Variants in KIRREL3 observed in about 807,000 individuals in gnomAD.
The protein encoded by KIRREL3 is kirre like nephrin family adhesion molecule 3.
Under a neutral mutation model 89.7 loss-of-function variants are expected in KIRREL3, and 36 were observed. That is an observed-to-expected ratio of 0.40 (90% CI 0.31 to 0.53). The LOEUF (loss-of-function observed/expected upper bound fraction) is 0.53, where lower values mean the gene tolerates loss of function less well. KIRREL3 is among the 20% of genes least tolerant of loss of function. The probability of loss-of-function intolerance (pLI) is 0.49; values close to 1 mark genes in which losing one functional copy is unlikely to be tolerated. For missense variants in KIRREL3, 864 were observed against 1,056.6 expected, an observed-to-expected ratio of 0.82 and a Z score of 2.53; for synonymous variants, 445 against 441.4, an observed-to-expected ratio of 1.01 and a Z score of -0.10.
chr11:126,745,621 C>A (rs1173753246), intron 1 of KIRREL3, among the ~76,000 whole-genome samples: 1 of 152,100 alleles, frequency 6.6e-6, no homozygotes, highest in African/African-American at 2.4e-5. Context: ...GGCATGAAAG[C>A]CAAAACAGGA....
chr11:126,841,218 T>C (rs1943953024), intron 1 of KIRREL3, among the ~76,000 whole-genome samples: 1 of 152,242 alleles, frequency 6.6e-6, no homozygotes, highest in Admixed American at 6.5e-5. Flanking sequence ...TTGCATATTC[T>C]GTTCCTTCTG....
intron 1 of KIRREL3, among the ~76,000 whole-genome samples, chr11:126,650,922 G>T (rs1214009754): frequency 2.0e-5 from 3 of 152,206 alleles, no homozygotes; most frequent in Non-Finnish European, 4.4e-5. Flanking sequence ...TCAGAATCAT[G>T]GCAGGAAGTA....
chr11:126,572,574 C>G (rs1335957331), intron 1 of KIRREL3, among the ~76,000 whole-genome samples: 2 of 10,558 alleles, frequency 1.9e-4, no homozygotes, highest in African/African-American at 6.9e-4. Flanking sequence ...AAGAGGGGAC[C>G]CCCCCCCCGC....
chr11:126,880,154 G>T (rs1213898289), intron 1 of KIRREL3, among the ~76,000 whole-genome samples: 1 of 152,102 alleles, frequency 6.6e-6, no homozygotes, highest in Non-Finnish European at 1.5e-5. Context: ...TTTGACCTTG[G>T]GTGCGGCTGT....
rs1288771997 is a variant in KIRREL3 at position 126,432,178 on chromosome 11, C to T, written c.1589-652G>A. 6.6e-6 allele frequency among the ~76,000 whole-genome samples: 1 copy of T among 152,106 alleles called. No individual in the cohort carries two copies. Among genetic ancestry groups the T allele is most frequent in the South Asian group, 2.1e-4 (1 of 4,832 alleles). ...AGAGAGGCCCCTTTCCCTCCATCTC[C>T]AGGTCTGCAGCTTCTCCCTCAAGGC... On this transcript the variant is annotated intron_variant, in intron 13 of 16. Coordinates refer to ENST00000525144, the MANE Select transcript of KIRREL3 (RefSeq NM_032531.4). This position sits in a 1 kb window ranked among gnomAD's most constrained non-coding sequence, Gnocchi z 6.2.
rs1390097726 is a variant in KIRREL3, at chr11:126,771,550, C to T, written c.56-208638G>A. 1.3e-5 allele frequency among the ~76,000 whole-genome samples: 2 copies of T among 152,134 alleles called. No homozygotes were observed. The highest frequency in any genetic ancestry group is 6.5e-5 in the Admixed American group (1 of 15,276). ...TTGCCATTAAAAGTAACAGCAAAACCTGCAATTACTTTTGCACCAACCGAA... is the reference window on the plus strand; with the variant it reads ...TTGCCATTAAAAGTAACAGCAAAACTTGCAATTACTTTTGCACCAACCGAA... On this transcript the variant is annotated intron_variant, in intron 1 of 16. Coordinates refer to ENST00000525144, the MANE Select transcript of KIRREL3 (RefSeq NM_032531.4). This position sits in a 1 kb window ranked among gnomAD's most constrained non-coding sequence, Gnocchi z 4.4.
rs71984147 is a variant in KIRREL3, at chr11:126,442,313, AACACACACACACAC to A, written c.1253-1778_1253-1765del. ...AAACCCAACATGCACAGACACACAAAACACACACACACACACACACACACACACACACACACACA... is the reference window on the plus strand; with the variant it reads ...AAACCCAACATGCACAGACACACAAAACACACACACACACACACACACACA... On this transcript the variant is annotated intron_variant, in intron 10 of 16. Coordinates refer to ENST00000525144, the MANE Select transcript of KIRREL3 (RefSeq NM_032531.4). 5.5e-3 allele frequency among the ~76,000 whole-genome samples: 754 copies of A among 136,596 alleles called. 2 individuals are homozygous for A. The highest frequency in any genetic ancestry group is 0.011 in the African/African-American group (393 of 36,452). 89.6% of individuals were successfully genotyped at this position (136,596 alleles called of 152,430 possible).
chr11:126,662,906 C>CTTTTTTTTTTTTTT (rs756193928), intron 1 of KIRREL3, among the ~76,000 whole-genome samples: 1 of 91,878 alleles, frequency 1.1e-5, no homozygotes, highest in Non-Finnish European at 2.1e-5. Flanking sequence ...AAAGTCCTTT[C>CTTTTTTTTTTTTTT]TTTTTTTTTT....
chr11:126,735,890 T>C (rs1237902249), intron 1 of KIRREL3, among the ~76,000 whole-genome samples: 1 of 152,212 alleles, frequency 6.6e-6, no homozygotes, highest in East Asian at 1.9e-4. Context: ...GGATCCTTCC[T>C]GATACTGAAG....
intron 5 of KIRREL3, among the ~76,000 whole-genome samples, chr11:126,464,036 G>C (rs368741487): frequency 3.9e-5 from 6 of 152,234 alleles, no homozygotes; most frequent in South Asian, 2.1e-4. Context: ...TCCTACAGCA[G>C]GTTGAATGGT....
At chr11:126,934,572 G>A (rs915237592) in intron 1 of KIRREL3, among the ~76,000 whole-genome samples, 9 of 152,022 alleles carry the variant, frequency 5.9e-5, no homozygotes, top group South Asian at 2.1e-4. Flanking sequence ...GCTGTAGAAC[G>A]TATAGGAAAC....
At chr11:126,506,287 T>G (rs539275564) in intron 4 of KIRREL3, among the ~76,000 whole-genome samples, 29 of 152,196 alleles carry the variant, frequency 1.9e-4, no homozygotes, top group Non-Finnish European at 3.5e-4. Flanking sequence ...TTTTTGTGCT[T>G]CATAAGACAC....
rs758496819 is a variant in KIRREL3, at chr11:126,708,975, G to A, written c.56-146063C>T. Reference sequence around the variant, plus strand: ...TATCCCACTATTACTGTCCTGATCCGTGCTAATCCAACAGTTTCTGCCCCC... The same window carrying A: ...TATCCCACTATTACTGTCCTGATCCATGCTAATCCAACAGTTTCTGCCCCC... On this transcript the variant is annotated intron_variant, in intron 1 of 16. Coordinates refer to ENST00000525144, the MANE Select transcript of KIRREL3 (RefSeq NM_032531.4). This position sits in a 1 kb window ranked among gnomAD's most constrained non-coding sequence, Gnocchi z 5.7. Among the ~76,000 whole-genome samples, 8 of 152,124 alleles carry A rather than the reference G, an allele frequency of 5.3e-5. No individual in the cohort carries two copies. Among genetic ancestry groups the A allele is most frequent in the East Asian group, 1.9e-4 (1 of 5,170 alleles).
Position 126,436,955 on chromosome 11 carries a change from C to T in KIRREL3, c.1408G>A (p.Val470Met). Reference sequence around the variant, plus strand: ...CCCTCCTCGGTGCTGATGGTCTCCACCGTATAGCGCCCCGATGTGCCCGAC... The same window carrying T: ...CCCTCCTCGGTGCTGATGGTCTCCATCGTATAGCGCCCCGATGTGCCCGAC... ...LESGTSGRYTVETISTEEGVI... is the reference protein window; with the variant it reads ...LESGTSGRYTMETISTEEGVI... Residue 470 changes from valine (V) to methionine (M), a missense_variant, in exon 12 of 17, where the codon GTG becomes ATG. By Grantham distance (21) the Val-to-Met change is conservative. Transcript: ENST00000525144. 6.3e-7 allele frequency: 1 copy of T among 1,599,520 alleles called. No individual in the cohort carries two copies. The highest frequency in any genetic ancestry group is 8.5e-7 in the Non-Finnish European group (1 of 1,170,200).
rs1951052369 is a variant in KIRREL3 at position 126,802,041 on chromosome 11, T to G, written c.55+198414A>C. The stretch of plus-strand genomic sequence containing the variant: ...ATCAGTTGGTTGAAACCTGATTAAT[T>G]GCTATTCCATAGGCAAATGATGCTG... On this transcript the variant is annotated intron_variant, in intron 1 of 16. Transcript: ENST00000525144. The surrounding 1 kb of genome is among the most constrained non-coding windows in gnomAD (Gnocchi z 5.2). Among the ~76,000 whole-genome samples, 1 of 152,164 alleles carries G rather than the reference T, an allele frequency of 6.6e-6. No homozygotes were observed. Among genetic ancestry groups the G allele is most frequent in the South Asian group, 2.1e-4 (1 of 4,822 alleles).
chr11:126,680,394 G>GGA (rs1395600620), intron 1 of KIRREL3, among the ~76,000 whole-genome samples: 4 of 147,520 alleles, frequency 2.7e-5, no homozygotes, highest in African/African-American at 7.9e-5. Context: ...CTCTTCTACT[G>GGA]GAGATATATA....
rs766590941 is a variant in KIRREL3 at position 126,440,478 on chromosome 11, T to C, written c.1324A>G (p.Ile442Val). Residue 442 changes from isoleucine to valine, a missense_variant, in exon 11 of 17, where the codon ATC (isoleucine) becomes GTC (valine). By Grantham distance (29) the Ile-to-Val change is conservative. Coordinates refer to ENST00000525144, the MANE Select transcript of KIRREL3 (RefSeq NM_032531.4). ...HGEKGQIKCF[I>V]RSTPPPDRIA... ...CGGTCCGGCGGCGGCGTGCTCCGGA[T>C]GAAGCACTTGATCTGGCCCTTCTCG... 1.3e-6 allele frequency: 2 copies of C among 1,595,178 alleles called. No individual in the cohort carries two copies. The highest frequency in any genetic ancestry group is 1.7e-5 in the Admixed American group (1 of 57,384).
chr11:126,925,117 T>G (rs1947653543), intron 1 of KIRREL3, among the ~76,000 whole-genome samples: 2 of 139,372 alleles, frequency 1.4e-5, no homozygotes, highest in African/African-American at 5.1e-5. Flanking sequence ...GGGGGGCTGT[T>G]GGTCACAGGA....
rs1433360276 is a variant in KIRREL3 at position 126,844,628 on chromosome 11, G to A, written c.55+155827C>T. On this transcript the variant is annotated intron_variant, in intron 1 of 16. Transcript: ENST00000525144. The surrounding 1 kb of genome is among the most constrained non-coding windows in gnomAD (Gnocchi z 4.8). ...TTGAGTTTGAGGCCCAACTTAGGAA[G>A]GTTAGAGTCCTTCCTAAGATTTAGG... Among the ~76,000 whole-genome samples, 1 of 152,174 alleles carries A rather than the reference G, an allele frequency of 6.6e-6. No homozygotes were observed.
Sources: allele counts gnomAD v4.1 joint callset (sites outside exome capture counted in the v4.1 genomes callset), GRCh38; gene constraint gnomAD v4.1.1; non-coding constraint Gnocchi (gnomAD v3.1); transcripts MANE v1.5; gene names NCBI Gene and HGNC (gene_info 2026-07-23, HGNC 2026-07-21).